ATP10A: variants seen among roughly 807,000 people sequenced by gnomAD.
ATP10A encodes phospholipid-transporting ATPase VA.
A neutral mutation model predicts 147.8 loss-of-function variants in ATP10A; 111 were observed. The observed-to-expected ratio is 0.75, with a 90% confidence interval of 0.64 to 0.88. ATP10A has a LOEUF of 0.88. ATP10A is among the 40% of genes least tolerant of loss of function. The pLI is 0.00. For synonymous variants in ATP10A, 875 were observed against 841.6 expected (o/e 1.04, Z -0.69); for missense variants, 1,927 against 1,959.0 (o/e 0.98, Z 0.31).
rs1203594891 is a variant in ATP10A, at chr15:25,862,683, G to T, written c.414C>A (p.His138Gln). 1.9e-6 allele frequency: 3 copies of T among 1,601,818 alleles called. No homozygotes were observed. The African/African-American group carries it at 4.0e-5, about 21-fold the overall frequency. Residue 138 changes from histidine (H) to glutamine (Q), a missense_variant, in exon 1 of 21, where the codon CAC (histidine) becomes CAA (glutamine). Physicochemically the swap from His to Gln is conservative, Grantham distance 24 (BLOSUM62 0). Transcript: ENST00000555815. ...WEDYSRHRSD[H>Q]KINHLGCLVF... ...CCAGGCAGCCCAGGTGGTTGATCTT[G>T]TGGTCGGAGCGGTGGCGGCTGTAGT...
intron 2 of ATP10A, among the ~76,000 whole-genome samples, chr15:25,766,684 T>C (rs1008143304): frequency 1.3e-4 from 19 of 151,894 alleles, no homozygotes; most frequent in Non-Finnish European, 2.2e-4. Flanking sequence ...GCTCAAACAC[T>C]GCCTCCAGGC....
chr15:25,804,085 G>A (rs997841779), intron 1 of ATP10A, among the ~76,000 whole-genome samples: 1 of 81,872 alleles, frequency 1.2e-5, no homozygotes, highest in South Asian at 3.1e-4. Flanking sequence ...TGGTGTGTGT[G>A]TGTGTGTGTG....
chr15:25,775,667 C>T (rs1005951140), intron 2 of ATP10A, among the ~76,000 whole-genome samples: 10 of 152,250 alleles, frequency 6.6e-5, no homozygotes, highest in African/African-American at 4.8e-5. Flanking sequence ...TGACTACTCC[C>T]CACAGCGCTG....
At position 25,829,807 on chromosome 15, in the gene ATP10A, C is replaced by T. The variant is rs550111334; in HGVS notation, c.449+32841G>A. Among the ~76,000 whole-genome samples, 116 of 152,024 alleles carry T rather than the reference C, an allele frequency of 7.6e-4. 1 individual carries two copies. The highest frequency in any genetic ancestry group is 2.6e-3 in the African/African-American group (108 of 41,434). On this transcript the variant is annotated intron_variant, in intron 1 of 20. Transcript: ENST00000555815. ...GGATGGGAGGCGGAGAGTGAGGGTA[C>T]GGGGGAGGGACACAGTGGGCCACCA...
chr15:25,844,885 T>C (rs1178898846), intron 1 of ATP10A, among the ~76,000 whole-genome samples: 1 of 152,150 alleles, frequency 6.6e-6, no homozygotes, highest in Admixed American at 6.5e-5. Context: ...AAATGACAGG[T>C]TTCAGGCATG....
At chr15:25,764,515 C>T (rs1021501191) in intron 2 of ATP10A, among the ~76,000 whole-genome samples, 2 of 150,982 alleles carry the variant, frequency 1.3e-5, no homozygotes, top group Admixed American at 6.6e-5. Flanking sequence ...GAAGTTCTGC[C>T]TCTCTCTCTC....
chr15:25,693,881 G>A (rs1263532432), intron 14 of ATP10A, among the ~76,000 whole-genome samples: 3 of 152,224 alleles, frequency 2.0e-5, no homozygotes, highest in Non-Finnish European at 4.4e-5. Context: ...CTGTGAACAG[G>A]CAGCAATCTC....
At chr15:25,726,311 A>G (rs1003026885) in intron 4 of ATP10A, among the ~76,000 whole-genome samples, 1 of 152,186 alleles carries the variant, frequency 6.6e-6, no homozygotes, top group Non-Finnish European at 1.5e-5. Context: ...TGGAGAACGA[A>G]ATGGAAAGAA....
chr15:25,691,864 T>C (rs1288911639), intron 14 of ATP10A, 73 bp from the exon 15 acceptor site: 1 of 1,576,458 alleles, frequency 6.3e-7, no homozygotes, highest in African/African-American at 1.3e-5. Context: ...GTGCTAGATT[T>C]TCTTGGGAGT....
chr15:25,724,841 C>G (rs1457129808), intron 5 of ATP10A, among the ~76,000 whole-genome samples: 1 of 152,182 alleles, frequency 6.6e-6, no homozygotes, highest in Non-Finnish European at 1.5e-5. Flanking sequence ...GGTTCCATAT[C>G]CGTGGATTCA....
At chr15:25,772,786 G>A (rs561954817) in intron 2 of ATP10A, among the ~76,000 whole-genome samples, 3 of 152,148 alleles carry the variant, frequency 2.0e-5, no homozygotes, top group Non-Finnish European at 2.9e-5. Context: ...GGAAGACAGC[G>A]TGGCCAGCAA....
chr15:25,711,444 G>A (rs1347648860), intron 10 of ATP10A, among the ~76,000 whole-genome samples: 5 of 152,130 alleles, frequency 3.3e-5, no homozygotes, highest in Admixed American at 3.3e-4. Context: ...CATAAGGGCA[G>A]GCGGTCACAG....
At chr15:25,703,314 C>T (rs1167683609) in intron 12 of ATP10A, among the ~76,000 whole-genome samples, 1 of 152,150 alleles carries the variant, frequency 6.6e-6, no homozygotes, top group African/African-American at 2.4e-5. Context: ...GAGATCATGC[C>T]ACTGCACTCC....
intron 1 of ATP10A, among the ~76,000 whole-genome samples, chr15:25,784,505 C>T (rs1890067982): frequency 6.6e-6 from 1 of 152,168 alleles, no homozygotes; most frequent in African/African-American, 2.4e-5. Flanking sequence ...GAAGGAGATT[C>T]CCCCCTGAGG....
chr15:25,862,565 C>A lies in ATP10A; in HGVS notation c.449+83G>T, dbSNP rs1305322809. 6.5e-6 allele frequency: 9 copies of A among 1,378,130 alleles called. No homozygotes were observed. In the Admixed American group the frequency reaches 1.6e-4, roughly 24 times the overall value. 85.4% of individuals were successfully genotyped at this position (1,378,130 alleles called of 1,614,324 possible). A position where few individuals can be genotyped will look rare whatever the true frequency, so the allele number is the denominator to read the frequency against. On this transcript the variant is annotated intron_variant, in intron 1 of 20. Coordinates refer to ENST00000555815, the MANE Select transcript of ATP10A (RefSeq NM_024490.4). Reference sequence around the variant, plus strand: ...CTGCCTTCTAAGCACCCAGCCCCTGCCAATCACTGTGCCCAACACCAAGTT... The same window carrying A: ...CTGCCTTCTAAGCACCCAGCCCCTGACAATCACTGTGCCCAACACCAAGTT...
chr15:25,837,517 A>G (rs13329679), intron 1 of ATP10A, among the ~76,000 whole-genome samples: 14,099 of 152,212 alleles, frequency 0.093, 1,097 homozygotes, highest in African/African-American at 0.22. Flanking sequence ...CGGAGACGGT[A>G]GTCACAGGGC....
At chr15:25,772,297 C>T (rs1889378844) in intron 2 of ATP10A, among the ~76,000 whole-genome samples, 1 of 152,126 alleles carries the variant, frequency 6.6e-6, no homozygotes, top group Non-Finnish European at 1.5e-5. Flanking sequence ...CGTCCCCCAC[C>T]CACCCACCAG....
intron 1 of ATP10A, among the ~76,000 whole-genome samples, chr15:25,854,284 G>A (rs1018106380): frequency 5.9e-5 from 9 of 152,036 alleles, no homozygotes; most frequent in African/African-American, 1.9e-4. Flanking sequence ...GTGAGCAAAA[G>A]GATCAATTAC....
At chr15:25,730,410 C>T (rs1452860386) in intron 3 of ATP10A, among the ~76,000 whole-genome samples, 2 of 152,056 alleles carry the variant, frequency 1.3e-5, no homozygotes, top group African/African-American at 4.8e-5. Flanking sequence ...CACTGGCTGG[C>T]AGTGTCCCCT....
Sources: allele counts gnomAD v4.1 joint callset (sites outside exome capture counted in the v4.1 genomes callset), GRCh38; gene constraint gnomAD v4.1.1; transcripts MANE v1.5; gene names NCBI Gene and HGNC (gene_info 2026-07-23, HGNC 2026-07-21).